ADAMTS9: variants seen among roughly 807,000 people sequenced by gnomAD.
The protein encoded by ADAMTS9 is A disintegrin and metalloproteinase with thrombospondin motifs 9.
Under a neutral mutation model 257.1 loss-of-function variants are expected in ADAMTS9, and 107 were observed. That is an observed-to-expected ratio of 0.42 (90% CI 0.36 to 0.49). The LOEUF (loss-of-function observed/expected upper bound fraction) is 0.49. ADAMTS9 is among the 20% of genes least tolerant of loss of function. ADAMTS9 has a pLI of 0.03. For missense variants in ADAMTS9, 2,353 were observed against 2,469.1 expected (o/e 0.95, Z 1.00); for synonymous variants, 982 against 880.9 (o/e 1.11, Z -2.03).
Position 64,603,946 on chromosome 3 carries a change from T to G in ADAMTS9, c.3723A>C (p.Gln1241His). The change falls in exon 25 of 40, where the codon CAA becomes CAC. Residue 1241 changes from glutamine to histidine, a missense_variant. Physicochemically the swap from Gln to His is conservative, Grantham distance 24. Around this residue, in one of 3 missense-constraint regions of ADAMTS9, gnomAD observed 1,402 missense variants for 1,441.4 expected, o/e 0.97. Coordinates refer to ENST00000498707, the MANE Select transcript of ADAMTS9 (RefSeq NM_182920.2). ...KEECSVTPCG[Q>H]WKALDWSSCS... ...CAGAGCTCCAGTCCAAGGCCTTCCA[T>G]TGCCCACAGGGTGTCACAGAACATT... 6.2e-7 allele frequency: 1 copy of G among 1,613,834 alleles called. No homozygotes were observed. Among genetic ancestry groups the G allele is most frequent in the Non-Finnish European group, 8.5e-7 (1 of 1,179,894 alleles).
chr3:64,614,188 C>T (rs2084718250), intron 21 of ADAMTS9, among the ~76,000 whole-genome samples: 1 of 152,158 alleles, frequency 6.6e-6, no homozygotes, highest in African/African-American at 2.4e-5. Flanking sequence ...CATTTTATCG[C>T]ATATTATTGC....
rs1295317034 is a variant in ADAMTS9, at chr3:64,613,249, G to A, written c.3354+96C>T. ...GGTGTCCTGCATGCCACCCGGCACA[G>A]CGGTTAAATCTCCACCACTGGAATG... On this transcript the variant is annotated intron_variant, in intron 22 of 39. Transcript: ENST00000498707. 6 of 1,452,898 alleles carry A rather than the reference G, an allele frequency of 4.1e-6. No individual in the cohort carries two copies. In the East Asian group the frequency reaches 1.2e-4, roughly 28 times the overall value. The allele number at this position is 1,452,898 out of a possible 1,614,324, so 90.0% of individuals were successfully genotyped here. A position where few individuals can be genotyped will look rare whatever the true frequency, so the allele number is the denominator to read the frequency against.
chr3:64,665,945 T>A (rs1049212643), intron 3 of ADAMTS9, among the ~76,000 whole-genome samples: 1 of 152,278 alleles, frequency 6.6e-6, no homozygotes, highest in East Asian at 1.9e-4. Context: ...GTTACATTTT[T>A]AAAAAAATTC....
chr3:64,626,995 C>T (rs188058042), intron 16 of ADAMTS9, among the ~76,000 whole-genome samples: 8 of 152,252 alleles, frequency 5.3e-5, no homozygotes, highest in Admixed American at 1.3e-4. Context: ...CTCCCTAATG[C>T]GGGTCATTCA....
chr3:64,680,985 T>C (rs1222941189), intron 3 of ADAMTS9, among the ~76,000 whole-genome samples: 1 of 152,234 alleles, frequency 6.6e-6, no homozygotes, highest in Non-Finnish European at 1.5e-5. Flanking sequence ...CCTGACTTTA[T>C]AACTTCTTAG....
At chr3:64,550,469 GA>G (rs2083256919) in intron 31 of ADAMTS9, 1 of 157,622 alleles carries the variant, frequency 6.3e-6, no homozygotes, top group Admixed American at 6.4e-5. Context: ...CAGCTGGAGT[GA>G]AAGAGATTCT....
chr3:64,670,311 G>A (rs761635654), intron 3 of ADAMTS9, among the ~76,000 whole-genome samples: 4 of 152,192 alleles, frequency 2.6e-5, no homozygotes, highest in Non-Finnish European at 5.9e-5. Context: ...ACACTGGTTG[G>A]ACATGGAGAG....
At chr3:64,674,434 A>C (rs1701575697) in intron 3 of ADAMTS9, among the ~76,000 whole-genome samples, 2 of 152,190 alleles carry the variant, frequency 1.3e-5, no homozygotes, top group South Asian at 4.1e-4. Flanking sequence ...GCTGTGGACA[A>C]GTTTGTTCAC....
intron 3 of ADAMTS9, among the ~76,000 whole-genome samples, chr3:64,673,028 G>C (rs1388360706): frequency 6.6e-6 from 1 of 152,026 alleles, no homozygotes; most frequent in Non-Finnish European, 1.5e-5. Flanking sequence ...AGGAACAATA[G>C]GCTATGTACC....
At chr3:64,647,872 T>A in intron 11 of ADAMTS9, 68 bp downstream of exon 11, 1 of 1,410,250 alleles carries the variant, frequency 7.1e-7, no homozygotes. Context: ...CATCGGTGTC[T>A]GATCATACAC....
chr3:64,601,045 A>G (rs13098177), intron 26 of ADAMTS9, among the ~76,000 whole-genome samples: 41,977 of 152,062 alleles, frequency 0.28, 6,038 homozygotes, highest in Middle Eastern at 0.38. Flanking sequence ...CATGTCTGGT[A>G]TTGCACAGCA....
chr3:64,602,355 T>A, intron 25 of ADAMTS9, 142 bp from the exon 26 acceptor site: 2 of 855,714 alleles, frequency 2.3e-6, no homozygotes, highest in Non-Finnish European at 3.6e-6. Context: ...TGTCTCCTCT[T>A]TTTTTCCCAT....
At chr3:64,659,607 GTATTT>G (rs1215759527) in intron 3 of ADAMTS9, among the ~76,000 whole-genome samples, 2 of 152,030 alleles carry the variant, frequency 1.3e-5, no homozygotes, top group African/African-American at 2.4e-5. Context: ...GCACAACCAG[GTATTT>G]TATTACATTA....
chr3:64,686,429 G>T lies in ADAMTS9; in HGVS notation c.516+139C>A. 1 of 1,229,076 alleles carries T rather than the reference G, an allele frequency of 8.1e-7. No homozygotes were observed. Among genetic ancestry groups the T allele is most frequent in the Non-Finnish European group, 1.1e-6 (1 of 905,710 alleles). The allele number at this position is 1,229,076 out of a possible 1,614,324, so 76.1% of individuals were successfully genotyped here. A position where few individuals can be genotyped will look rare whatever the true frequency, so the allele number is the denominator to read the frequency against. On this transcript the variant is annotated intron_variant, in intron 2 of 39. Transcript: ENST00000498707. This position sits in a 1 kb window ranked among gnomAD's most constrained non-coding sequence, Gnocchi z 4.6. ...ACAGAGCTAGCTACCCAAACCATAC[G>T]AGTTTCTAGCTGATATTTAACGCCG...
intron 11 of ADAMTS9, among the ~76,000 whole-genome samples, chr3:64,647,672 T>G (rs1340176265): frequency 3.9e-5 from 6 of 152,048 alleles, no homozygotes; most frequent in Non-Finnish European, 8.8e-5. Context: ...TTTAGAAATG[T>G]TTAAATGAGA....
intron 38 of ADAMTS9, among the ~76,000 whole-genome samples, chr3:64,528,249 A>G (rs2106882499): frequency 1.3e-5 from 2 of 152,282 alleles, no homozygotes; most frequent in East Asian, 3.9e-4. Context: ...GGAAGAGACC[A>G]AAATGGGTAG....
rs540428691 is a variant in ADAMTS9, at chr3:64,517,337, G to T, written c.*6-216C>A. ...GCTTGCTTCAGCCTTGACCTCCTGG[G>T]CAAGCAATCCTCCCATCTCAGCCTC... On this transcript the variant is annotated intron_variant, in intron 39 of 39. Transcript: ENST00000498707. Among the ~76,000 whole-genome samples, 253 of 149,882 alleles carry T rather than the reference G, an allele frequency of 1.7e-3. 1 individual carries two copies. The highest frequency in any genetic ancestry group is 6.1e-3 in the African/African-American group (250 of 40,942).
intron 30 of ADAMTS9, among the ~76,000 whole-genome samples, chr3:64,553,087 C>A (rs1183130931): frequency 6.6e-6 from 1 of 151,926 alleles, no homozygotes; most frequent in African/African-American, 2.4e-5. Flanking sequence ...TTAACTATCA[C>A]AAGTATAGAA....
At chr3:64,650,924 A>C in intron 9 of ADAMTS9, 93 bp downstream of exon 9, 1 of 1,178,840 alleles carries the variant, frequency 8.5e-7, no homozygotes, top group Non-Finnish European at 1.2e-6. Flanking sequence ...ACTCAAAAGG[A>C]ATGTTTGACT....
Sources: allele counts gnomAD v4.1 joint callset (sites outside exome capture counted in the v4.1 genomes callset), GRCh38; gene constraint gnomAD v4.1.1; regional missense constraint gnomAD v4.1.1; non-coding constraint Gnocchi (gnomAD v3.1); transcripts MANE v1.5; gene names NCBI Gene and HGNC (gene_info 2026-07-23, HGNC 2026-07-21).